Variants in CDK19 observed in about 807,000 individuals in gnomAD.
CDK19 encodes cyclin-dependent kinase 19.
Under a neutral mutation model 68.3 loss-of-function variants are expected in CDK19, and 20 were observed. The ratio of observed to expected loss-of-function variants is 0.29; its 90% confidence interval spans 0.21 to 0.43. CDK19 has a LOEUF of 0.43. Ranked by LOEUF, CDK19 falls within the 20% of genes least tolerant of loss-of-function variation. The pLI is 1.00. For synonymous variants in CDK19, 221 were observed against 222.8 expected (o/e 0.99, Z 0.07); for missense variants, 339 against 623.5 (o/e 0.54, Z 4.86).
chr6:110,670,912 T>C (rs1166712579), intron 2 of CDK19: 4 of 383,146 alleles, frequency 1.0e-5, no homozygotes, highest in Non-Finnish European at 2.0e-5. Flanking sequence ...TACATGCATA[T>C]CTTTTTTACT....
At chr6:110,700,878 AAG>A (rs1247797023) in intron 2 of CDK19, 2 of 170,010 alleles carry the variant, frequency 1.2e-5, no homozygotes, top group African/African-American at 4.8e-5. Flanking sequence ...ATCGATTCTG[AAG>A]TCACCAATGC....
rs115495685 is a variant in CDK19 at position 110,724,069 on chromosome 6, T to C, written c.204+22057A>G. 7.9e-3 allele frequency among the ~76,000 whole-genome samples: 1,198 copies of C among 151,136 alleles called. 25 individuals carry two copies. The highest frequency in any genetic ancestry group is 0.028 in the African/African-American group (1,146 of 41,124). On this transcript the variant is annotated intron_variant, in intron 2 of 12. Coordinates refer to ENST00000368911, the MANE Select transcript of CDK19 (RefSeq NM_015076.5). ...AAGTAATTTTAAAAACTAGCCATTA[T>C]AGGGCCAGGCACAGTGGCCCATGCC...
chr6:110,681,910 TA>T (rs1191776285), intron 2 of CDK19, among the ~76,000 whole-genome samples: 1 of 152,240 alleles, frequency 6.6e-6, no homozygotes, highest in African/African-American at 2.4e-5. Flanking sequence ...TAGCTATTTT[TA>T]AAGTGTCCAC....
At chr6:110,742,652 C>A (rs1777769009) in intron 2 of CDK19, among the ~76,000 whole-genome samples, 1 of 152,116 alleles carries the variant, frequency 6.6e-6, no homozygotes, top group African/African-American at 2.4e-5. Flanking sequence ...CTATAAACGG[C>A]CACTCTGGGA....
intron 2 of CDK19, among the ~76,000 whole-genome samples, chr6:110,710,617 G>A (rs934139722): frequency 2.0e-5 from 3 of 152,158 alleles, no homozygotes; most frequent in African/African-American, 4.8e-5. Context: ...GTCTGGTGAG[G>A]GCCACTTCCT....
chr6:110,670,643 A>T (rs1430114561), intron 2 of CDK19, 102 bp from the exon 3 acceptor site: 3 of 726,984 alleles, frequency 4.1e-6, no homozygotes, highest in Non-Finnish European at 7.3e-6. Flanking sequence ...AATCTAGAGA[A>T]TCCAGGTAAG....
chr6:110,621,063 C>T lies in CDK19; in HGVS notation c.1377+41G>A. On this transcript the variant is annotated intron_variant, in intron 12 of 12. Coordinates refer to ENST00000368911, the MANE Select transcript of CDK19 (RefSeq NM_015076.5). The surrounding 1 kb of genome is among the most constrained non-coding windows in gnomAD (Gnocchi z 5.4). ...AAGGATCTAGGATAAATCTTTTCCC[C>T]ACTTCATAAAGCATATGAACATTAG... is the stretch of plus-strand genomic sequence containing the variant. 6.5e-7 allele frequency: 1 copy of T among 1,545,322 alleles called. No homozygotes were observed. Among genetic ancestry groups the T allele is most frequent in the Non-Finnish European group, 8.8e-7 (1 of 1,140,478 alleles).
intron 1 of CDK19, among the ~76,000 whole-genome samples, chr6:110,778,105 G>T (rs1780537205): frequency 6.6e-6 from 1 of 152,078 alleles, no homozygotes; most frequent in Admixed American, 6.5e-5. Context: ...CCACTGAACT[G>T]TATACCTAAA....
At chr6:110,799,857 C>A (rs920896227) in intron 1 of CDK19, among the ~76,000 whole-genome samples, 2 of 152,122 alleles carry the variant, frequency 1.3e-5, no homozygotes, top group Non-Finnish European at 2.9e-5. Context: ...CCCGCCTAGA[C>A]CTCCCAAAGC....
At chr6:110,673,736 GA>G (rs914305495) in intron 2 of CDK19, among the ~76,000 whole-genome samples, 13 of 151,928 alleles carry the variant, frequency 8.6e-5, no homozygotes, top group Middle Eastern at 3.4e-3. Flanking sequence ...TTTTTTTAAA[GA>G]AAAAAATAAA....
intron 2 of CDK19, chr6:110,700,474 G>C (rs994350435): frequency 6.6e-6 from 1 of 152,002 alleles, no homozygotes; most frequent in African/African-American, 2.4e-5. Context: ...ACAGGTGCTG[G>C]AGAGCTCTGG....
intron 1 of CDK19, among the ~76,000 whole-genome samples, chr6:110,773,052 A>C (rs1355115405): frequency 6.9e-5 from 6 of 86,532 alleles, no homozygotes; most frequent in South Asian, 5.5e-4. Context: ...CCCGTCTCTT[A>C]AAAAAAAAAA....
rs1777994952 is a variant in CDK19 at position 110,610,983 on chromosome 6, T to C, written c.*3552A>G. ...ATCCCTTTCCATTCTTAAGAGTCCA[T>C]TATGTTCGTAAGAGCAAAAGAGTAG... On this transcript the variant is annotated 3_prime_UTR_variant, in exon 13 of 13. Transcript: ENST00000368911. The C allele has an allele frequency of 6.6e-6, 1 of 152,206 alleles. No individual in the cohort carries two copies. The highest frequency in any genetic ancestry group is 6.5e-5 in the Admixed American group (1 of 15,286). The allele number at this position is 152,206 out of a possible 1,614,324, so 9.4% of individuals were successfully genotyped here.
At chr6:110,718,575 T>A (rs1775581334) in intron 2 of CDK19, among the ~76,000 whole-genome samples, 2 of 148,114 alleles carry the variant, frequency 1.4e-5, no homozygotes, top group Admixed American at 1.4e-4. Flanking sequence ...ACTATTACAC[T>A]GATGGCTGAC....
At chr6:110,730,800 C>A (rs1776690316) in intron 2 of CDK19, among the ~76,000 whole-genome samples, 1 of 152,118 alleles carries the variant, frequency 6.6e-6, no homozygotes, top group South Asian at 2.1e-4. Flanking sequence ...ACCTGTAATC[C>A]CAGCACTTTG....
chr6:110,691,740 T>C (rs1477045259), intron 2 of CDK19, among the ~76,000 whole-genome samples: 3 of 151,154 alleles, frequency 2.0e-5, no homozygotes, highest in Non-Finnish European at 2.9e-5. Context: ...CTCCGCCTCC[T>C]GAGTTCAAGT....
intron 4 of CDK19, among the ~76,000 whole-genome samples, chr6:110,649,000 C>A (rs999427134): frequency 6.6e-6 from 1 of 152,162 alleles, no homozygotes; most frequent in Admixed American, 6.5e-5. Context: ...GCATGGGCCA[C>A]TGTGCCTGGC....
chr6:110,799,218 A>G (rs1782179175), intron 1 of CDK19, among the ~76,000 whole-genome samples: 1 of 146,612 alleles, frequency 6.8e-6, no homozygotes, highest in South Asian at 2.4e-4. Flanking sequence ...GAAAAACCAC[A>G]CATAGAATAC....
intron 9 of CDK19, 102 bp downstream of exon 9, chr6:110,623,188 T>C: frequency 2.2e-6 from 2 of 913,182 alleles, no homozygotes; most frequent in Non-Finnish European, 3.5e-6. Context: ...TACCCCAGCA[T>C]CCACTAATTT....
Sources: allele counts gnomAD v4.1 joint callset (sites outside exome capture counted in the v4.1 genomes callset), GRCh38; gene constraint gnomAD v4.1.1; non-coding constraint Gnocchi (gnomAD v3.1); transcripts MANE v1.5; gene names NCBI Gene and HGNC (gene_info 2026-07-23, HGNC 2026-07-21).